Variants in NAV1 observed in about 807,000 individuals in gnomAD.
NAV1 encodes pore membrane and/or filament interacting like protein 3.
Under a neutral mutation model 175.2 loss-of-function variants are expected in NAV1, and 18 were observed. That is an observed-to-expected ratio of 0.10 (90% CI 0.07 to 0.15). The LOEUF (loss-of-function observed/expected upper bound fraction) is 0.15, where lower values mean the gene tolerates loss of function less well. Among genes scored for constraint, NAV1 ranks in the 10% least tolerant of loss-of-function variants. The pLI, the probability that NAV1 is intolerant of heterozygous loss-of-function variation, is 1.00. For missense variants in NAV1, 1,731 were observed against 2,436.6 expected (o/e 0.71, Z 6.10); for synonymous variants, 897 against 978.7 (o/e 0.92, Z 1.56).
intron 1 of NAV1, among the ~76,000 whole-genome samples, chr1:201,546,543 A>G (rs563166949): frequency 6.6e-6 from 1 of 152,280 alleles, no homozygotes; most frequent in South Asian, 2.1e-4. Flanking sequence ...ACATTCACTG[A>G]TTGTTGACAT....
chr1:201,780,354 G>C, intron 3 of NAV1, 67 bp from the exon 8 acceptor site: 1 of 1,593,376 alleles, frequency 6.3e-7, no homozygotes, highest in Non-Finnish European at 8.6e-7. Flanking sequence ...TTGCATCAAT[G>C]TGAAACATTT....
chr1:201,582,754 G>A (rs1031743502), intron 1 of NAV1, among the ~76,000 whole-genome samples: 1 of 152,194 alleles, frequency 6.6e-6, no homozygotes, highest in African/African-American at 2.4e-5. Context: ...TGGGAGAGTG[G>A]GAGAGCACTG....
exon 30 of NAV1, chr1:201,825,529 G>A (rs901608035): frequency 6.6e-6 from 1 of 152,252 alleles, no homozygotes; most frequent in African/African-American, 2.4e-5. Flanking sequence ...TCATAGGAGA[G>A]TCTTGCATAA....
intron 1 of NAV1, among the ~76,000 whole-genome samples, chr1:201,655,108 A>G (rs1198452799): frequency 6.6e-6 from 1 of 151,886 alleles, no homozygotes; most frequent in East Asian, 1.9e-4. Flanking sequence ...CTGATAGGAG[A>G]TGTCTGACCT....
At chr1:201,725,508 C>T (rs1291174632) in intron 3 of NAV1, among the ~76,000 whole-genome samples, 4 of 151,938 alleles carry the variant, frequency 2.6e-5, no homozygotes, top group East Asian at 1.9e-4. Flanking sequence ...CATGGCAGCA[C>T]GTGCCTATGG....
intron 1 of NAV1, among the ~76,000 whole-genome samples, chr1:201,678,751 C>T (rs978545346): frequency 2.0e-5 from 3 of 152,188 alleles, no homozygotes; most frequent in African/African-American, 4.8e-5. Flanking sequence ...ACCACCACAA[C>T]GAATCTCCCC....
chr1:201,632,314 A>G (rs182286267), intron 2 of NAV1, among the ~76,000 whole-genome samples: 1 of 152,216 alleles, frequency 6.6e-6, no homozygotes, highest in African/African-American at 2.4e-5. Flanking sequence ...AAGGCCATCC[A>G]CCAGCAGCTG....
intron 6 of NAV1, among the ~76,000 whole-genome samples, 193 bp from the exon 11 acceptor site, chr1:201,783,213 C>T (rs1283627571): frequency 6.6e-6 from 1 of 152,144 alleles, no homozygotes; most frequent in Non-Finnish European, 1.5e-5. Context: ...TATGCTGGCC[C>T]CTTATCTAAG....
In NAV1 at chr1:201,580,570, C is replaced by T. The variant is rs187596778; in HGVS notation, c.-143-7969C>T. 2.9e-3 allele frequency among the ~76,000 whole-genome samples: 447 copies of T among 152,132 alleles called. 3 individuals carry two copies. The highest frequency in any genetic ancestry group is 5.4e-3 in the Non-Finnish European group (364 of 67,996). On this transcript the variant is annotated intron_variant, in intron 1 of 33. Transcript: ENST00000685211. ...GGTGGATCACTTGACGTCAGGAGTTCGAGACCAGCCTGGCCAACATGGTGA... is the reference window on the plus strand; with the variant it reads ...GGTGGATCACTTGACGTCAGGAGTTTGAGACCAGCCTGGCCAACATGGTGA...
rs374241696 is a variant in NAV1, at chr1:201,715,832, C to T, written c.861-2558C>T. ...TTCCTCAATTTCTACTGGTTCATTT[C>T]CCCCAGCGAGGAGAGTCTGGGTCAG... On this transcript the variant is annotated intron_variant, in intron 2 of 29. Coordinates refer to ENST00000367296, the Ensembl canonical transcript of NAV1. Among the ~76,000 whole-genome samples the T allele has an allele frequency of 6.8e-4, 104 of 152,276 alleles. 1 individual carries two copies. The highest frequency in any genetic ancestry group is 2.4e-3 in the African/African-American group (98 of 41,544).
chr1:201,581,890 A>G (rs1010261661), intron 1 of NAV1, among the ~76,000 whole-genome samples: 5 of 152,122 alleles, frequency 3.3e-5, no homozygotes, highest in Non-Finnish European at 7.4e-5. Context: ...AAAAATGACC[A>G]GAAACACCAT....
intron 1 of NAV1, among the ~76,000 whole-genome samples, chr1:201,660,076 G>A (rs771673101): frequency 6.6e-6 from 1 of 152,194 alleles, no homozygotes; most frequent in Non-Finnish European, 1.5e-5. Flanking sequence ...ACAGGGCCTT[G>A]ATGGTGACGT....
rs1241828513 is a variant in NAV1, at chr1:201,811,771, G to A, written c.4952+14G>A. Reference sequence around the variant, plus strand: ...GTATCATAAATGGTAAGTAAGCTGGGATCAAGACAAAATTCATCGAAGTGG... The same window carrying A: ...GTATCATAAATGGTAAGTAAGCTGGAATCAAGACAAAATTCATCGAAGTGG... On this transcript the variant is annotated intron_variant, in intron 25 of 29. Coordinates refer to ENST00000367296, the Ensembl canonical transcript of NAV1. 6.2e-7 allele frequency: 1 copy of A among 1,603,286 alleles called. No individual in the cohort carries two copies. The highest frequency in any genetic ancestry group is 8.5e-7 in the Non-Finnish European group (1 of 1,173,984).
At chr1:201,558,106 A>G (rs1286803474) in intron 1 of NAV1, among the ~76,000 whole-genome samples, 1 of 152,254 alleles carries the variant, frequency 6.6e-6, no homozygotes, top group Non-Finnish European at 1.5e-5. Flanking sequence ...TGTAGGAGCC[A>G]AGGGAAAGCT....
chr1:201,805,831 A>T (rs1678239093), intron 17 of NAV1, among the ~76,000 whole-genome samples: 1 of 151,992 alleles, frequency 6.6e-6, no homozygotes, highest in Admixed American at 6.6e-5. Flanking sequence ...CTGAGGTGGG[A>T]GGATAGCTTG....
intron 3 of NAV1, among the ~76,000 whole-genome samples, chr1:201,747,560 A>C (rs1193103978): frequency 6.6e-6 from 1 of 152,178 alleles, no homozygotes; most frequent in Non-Finnish European, 1.5e-5. Context: ...AGGGTGTTCC[A>C]GGGTACACAT....
Position 201,740,742 on chromosome 1 carries a change from G to A in NAV1, c.1226+21987G>A, listed in dbSNP as rs917288049. Among the ~76,000 whole-genome samples, 1 of 152,142 alleles carries A rather than the reference G, an allele frequency of 6.6e-6. No individual in the cohort carries two copies. The highest frequency in any genetic ancestry group is 2.4e-5 in the African/African-American group (1 of 41,412). ...GGTAATTTGGGGAGACGCACAGTGAGGGACTGGTCGTGTAAGGTGAGGGCA... is the reference window on the plus strand; with the variant it reads ...GGTAATTTGGGGAGACGCACAGTGAAGGACTGGTCGTGTAAGGTGAGGGCA... On this transcript the variant is annotated intron_variant, in intron 3 of 29. Transcript: ENST00000367296. This position sits in a 1 kb window ranked among gnomAD's most constrained non-coding sequence, Gnocchi z 4.7.
intron 2 of NAV1, among the ~76,000 whole-genome samples, chr1:201,617,206 GTCTCTCTC>G (rs3054501): frequency 0.21 from 29,286 of 138,098 alleles, 2,927 homozygotes; most frequent in Admixed American, 0.27. Context: ...CAATCTCTCT[GTCTCTCTC>G]TCTCTCTCTC....
chr1:201,558,697 G>A (rs549143025), intron 1 of NAV1, among the ~76,000 whole-genome samples: 3 of 152,194 alleles, frequency 2.0e-5, no homozygotes, highest in South Asian at 4.1e-4. Flanking sequence ...TGATCCACCC[G>A]CCTCGGCCTC....
Sources: gnomAD v4.1 joint callset for allele counts (sites outside exome capture counted in the v4.1 genomes callset) on GRCh38, gnomAD v4.1.1 for gene constraint, Gnocchi (gnomAD v3.1) non-coding constraint, MANE v1.5 for transcripts, NCBI Gene and HGNC (gene_info 2026-07-23, HGNC 2026-07-21) for gene names.